Variants in GPC6 observed in about 807,000 individuals in gnomAD.
GPC6 encodes glypican-6.
Under a neutral mutation model 55.2 loss-of-function variants are expected in GPC6, and 14 were observed. That is an observed-to-expected ratio of 0.25 (90% CI 0.17 to 0.40). The LOEUF (loss-of-function observed/expected upper bound fraction) is 0.40, where lower values mean the gene tolerates loss of function less well. Ranked by LOEUF, GPC6 falls within the 10% of genes least tolerant of loss-of-function variation. The pLI is 1.00. For synonymous variants in GPC6, 278 were observed against 259.6 expected (o/e 1.07, Z -0.68); for missense variants, 641 against 708.5 (o/e 0.90, Z 1.08).
chr13:93,757,422 A>G (rs1427133694), intron 2 of GPC6, among the ~76,000 whole-genome samples: 3 of 152,196 alleles, frequency 2.0e-5, no homozygotes, highest in Admixed American at 6.6e-5. Context: ...TCAGTAACAG[A>G]GAACTCAGGT....
intron 4 of GPC6, among the ~76,000 whole-genome samples, chr13:94,059,905 T>C (rs1884262723): frequency 1.3e-5 from 2 of 151,750 alleles, no homozygotes; most frequent in Admixed American, 6.6e-5. Context: ...TGGGGATACA[T>C]AAACATCCAG....
chr13:93,657,721 C>T (rs1385244656), intron 2 of GPC6, among the ~76,000 whole-genome samples: 1 of 151,794 alleles, frequency 6.6e-6, no homozygotes, highest in African/African-American at 2.4e-5. Context: ...GGTCTAATAT[C>T]CAGAATATAT....
intron 1 of GPC6, among the ~76,000 whole-genome samples, chr13:93,264,349 T>C (rs562753094): frequency 2.9e-4 from 44 of 152,320 alleles, no homozygotes; most frequent in African/African-American, 9.9e-4. Context: ...TAGTCTCATA[T>C]ATAAAATGGC....
chr13:93,972,496 G>T (rs567389837), intron 3 of GPC6, among the ~76,000 whole-genome samples: 1 of 152,000 alleles, frequency 6.6e-6, no homozygotes, highest in Non-Finnish European at 1.5e-5. Flanking sequence ...GTGCTTTCAG[G>T]TTCCCCCCAC....
rs750083755 is a variant in GPC6, at chr13:94,382,489, G to C, written c.1228G>C (p.Glu410Gln). The C allele has an allele frequency of 8.4e-5, 135 of 1,614,044 alleles. No individual in the cohort carries two copies. The highest frequency in any genetic ancestry group is 3.2e-4 in the South Asian group (29 of 91,086). ...ATTACCCTACACTATCTGCAAGGAC[G>C]AGAGCGTGACAGCGGGCACGTCCAA... ...SALPYTICKD[E>Q]SVTAGTSNEE... Residue 410 changes from glutamate (E) to glutamine (Q), a missense_variant, in exon 7 of 9, where the codon GAG (glutamate) becomes CAG (glutamine). Glu to Gln is a conservative substitution (Grantham distance 29). Coordinates refer to ENST00000377047, the MANE Select transcript of GPC6 (RefSeq NM_005708.5).
At chr13:93,244,042 A>G (rs1876522356) in intron 1 of GPC6, among the ~76,000 whole-genome samples, 1 of 152,126 alleles carries the variant, frequency 6.6e-6, no homozygotes, top group Admixed American at 6.5e-5. Flanking sequence ...TGGGTCAGGC[A>G]GTCCCGTGCT....
At chr13:93,463,558 A>T (rs1445271) in intron 1 of GPC6, among the ~76,000 whole-genome samples, 27,574 of 151,844 alleles carry the variant, frequency 0.18, 3,026 homozygotes, top group East Asian at 0.48. Flanking sequence ...TTGACAGGAA[A>T]CCTCCATCAG....
At chr13:93,806,864 C>A (rs753375678) in intron 2 of GPC6, among the ~76,000 whole-genome samples, 2 of 152,180 alleles carry the variant, frequency 1.3e-5, no homozygotes, top group African/African-American at 2.4e-5. Context: ...ATGTTATACT[C>A]ATCCTGTCTG....
At chr13:93,294,994 G>A (rs889868125) in intron 1 of GPC6, among the ~76,000 whole-genome samples, 1 of 151,526 alleles carries the variant, frequency 6.6e-6, no homozygotes, top group South Asian at 2.1e-4. Context: ...TTTTAGGTCT[G>A]GCGTGGTGTC....
intron 4 of GPC6, among the ~76,000 whole-genome samples, chr13:94,082,501 C>G (rs1301855035): frequency 6.6e-6 from 1 of 152,178 alleles, no homozygotes; most frequent in East Asian, 1.9e-4. Context: ...CTTTTCCTCT[C>G]TAGAGATCTT....
At chr13:94,309,881 T>G (rs893206935) in intron 6 of GPC6, among the ~76,000 whole-genome samples, 2 of 152,206 alleles carry the variant, frequency 1.3e-5, no homozygotes, top group Admixed American at 6.5e-5. Context: ...TATTAATGAC[T>G]TTCAATCAAA....
At chr13:93,939,779 ACT>A (rs1393966916) in intron 3 of GPC6, among the ~76,000 whole-genome samples, 2 of 151,692 alleles carry the variant, frequency 1.3e-5, no homozygotes, top group African/African-American at 2.4e-5. Context: ...GGCACTAAAC[ACT>A]CTTTCTTTTT....
At chr13:93,807,466 C>T (rs1886575466) in intron 2 of GPC6, among the ~76,000 whole-genome samples, 2 of 152,096 alleles carry the variant, frequency 1.3e-5, no homozygotes, top group Admixed American at 1.3e-4. Flanking sequence ...AGAGGCTGGC[C>T]AAATGAAATT....
rs370512007 is a variant in GPC6, at chr13:94,294,623, G to A, written c.1008+8144G>A. Among the ~76,000 whole-genome samples the A allele has an allele frequency of 1.1e-4, 17 of 151,832 alleles. 1 individual carries two copies. The East Asian group carries it at 2.1e-3, about 19-fold the overall frequency. On this transcript the variant is annotated intron_variant, in intron 5 of 8. Coordinates refer to ENST00000377047, the MANE Select transcript of GPC6 (RefSeq NM_005708.5). ...TGATTATTACAGGTTTCTTTTTCCAGCATCCAGATCTTTTTTTTTTCTCCA... is the reference window on the plus strand; with the variant it reads ...TGATTATTACAGGTTTCTTTTTCCAACATCCAGATCTTTTTTTTTTCTCCA...
At chr13:94,402,630 A>T (rs1040276035) in intron 8 of GPC6, among the ~76,000 whole-genome samples, 2 of 152,210 alleles carry the variant, frequency 1.3e-5, no homozygotes, top group African/African-American at 4.8e-5. Flanking sequence ...ACTGCTATAA[A>T]GAACTGCCCG....
rs570892972 is a variant in GPC6 at position 93,540,164 on chromosome 13, A to AG, written c.161-5097dup. Among the ~76,000 whole-genome samples the AG allele has an allele frequency of 2.6e-3, 391 of 152,260 alleles. 1 individual carries two copies. The highest frequency in any genetic ancestry group is 9.1e-3 in the African/African-American group (378 of 41,542). Reference sequence around the variant, plus strand: ...GAATGAATGCCAGGCTGGCTTCTAAAGGTCAAGGGCTGCTTGTTTTTTCAT... The same window carrying AG: ...GAATGAATGCCAGGCTGGCTTCTAAAGGGTCAAGGGCTGCTTGTTTTTTCAT... On this transcript the variant is annotated intron_variant, in intron 1 of 8. Coordinates refer to ENST00000377047, the MANE Select transcript of GPC6 (RefSeq NM_005708.5).
intron 2 of GPC6, among the ~76,000 whole-genome samples, chr13:93,671,382 C>T (rs1881349198): frequency 6.6e-6 from 1 of 152,014 alleles, no homozygotes; most frequent in Non-Finnish European, 1.5e-5. Context: ...TCAAAACTGA[C>T]CCCTGCCTTC....
intron 2 of GPC6, among the ~76,000 whole-genome samples, chr13:93,752,918 C>G (rs368657592): frequency 1.3e-5 from 2 of 152,338 alleles, no homozygotes; most frequent in Non-Finnish European, 1.5e-5. Flanking sequence ...ATTAACTTTA[C>G]ATTGTCAGCA....
chr13:93,756,697 G>T (rs1884781794), intron 2 of GPC6, among the ~76,000 whole-genome samples: 3 of 152,050 alleles, frequency 2.0e-5, no homozygotes, highest in Admixed American at 2.0e-4. Flanking sequence ...GCTGTTGGGG[G>T]CATAAGAGAT....
Sources: allele counts gnomAD v4.1 joint callset (sites outside exome capture counted in the v4.1 genomes callset), GRCh38; gene constraint gnomAD v4.1.1; transcripts MANE v1.5; gene names NCBI Gene and HGNC (gene_info 2026-07-23, HGNC 2026-07-21).